KLHL2: variants seen among roughly 807,000 people sequenced by gnomAD.
KLHL2 encodes the protein kelch-like protein 2.
In KLHL2, 15 loss-of-function variants were observed where a neutral mutation model predicts 75.8. The observed-to-expected ratio is 0.20, with a 90% CI of 0.13 to 0.30. The LOEUF is 0.30. Among genes scored for constraint, KLHL2 ranks in the 10% least tolerant of loss-of-function variants. KLHL2 has a pLI of 1.00. For missense variants in KLHL2, 381 were observed against 741.0 expected, an observed-to-expected ratio of 0.51 and a Z score of 5.64; for synonymous variants, 214 against 251.9, an observed-to-expected ratio of 0.85 and a Z score of 1.42.
intron 11 of KLHL2, among the ~76,000 whole-genome samples, chr4:165,312,141 C>T (rs914457757): frequency 5.9e-5 from 9 of 152,120 alleles, no homozygotes; most frequent in African/African-American, 1.9e-4. Context: ...GGAAGTAGAG[C>T]TCAGCTGTAA....
rs551190938 is a variant in KLHL2, at chr4:165,310,898, A to T, written c.1237+148A>T. ...GAGATGGAGTCTTGCTCCGTCGCCC[A>T]GGCTGGAGTACAGTGGCGCAATCTC... On this transcript the variant is annotated intron_variant, in intron 10 of 14. Coordinates refer to ENST00000226725, the MANE Select transcript of KLHL2 (RefSeq NM_007246.4). The T allele has an allele frequency of 1.1e-5, 7 of 628,324 alleles. No individual in the cohort carries two copies. In the South Asian group the frequency reaches 1.2e-4, roughly 10 times the overall value. The allele number at this position is 628,324 out of a possible 1,614,324, so 38.9% of individuals were successfully genotyped here.
At chr4:165,246,088 G>T (rs954622486) in intron 4 of KLHL2, among the ~76,000 whole-genome samples, 1 of 152,038 alleles carries the variant, frequency 6.6e-6, no homozygotes, top group African/African-American at 2.4e-5. Context: ...TGACTTTTAC[G>T]TTATTCTCTG....
chr4:165,208,702 CTG>C (rs1426685526), intron 1 of KLHL2, among the ~76,000 whole-genome samples: 2 of 151,932 alleles, frequency 1.3e-5, no homozygotes, highest in Non-Finnish European at 2.9e-5. Flanking sequence ...TAAAAGTGAA[CTG>C]TAAATACCCA....
intron 4 of KLHL2, among the ~76,000 whole-genome samples, chr4:165,260,918 A>G (rs1741613706): frequency 6.6e-6 from 1 of 152,220 alleles, no homozygotes; most frequent in Admixed American, 6.5e-5. Flanking sequence ...GGTTGGACCA[A>G]TATGTGCTCC....
chr4:165,318,424 C>G (rs1428783810), intron 14 of KLHL2, among the ~76,000 whole-genome samples: 1 of 152,084 alleles, frequency 6.6e-6, no homozygotes, highest in Non-Finnish European at 1.5e-5. Context: ...GGTCCATTCT[C>G]TTAGTAAGAT....
chr4:165,306,309 T>G (rs1745725391), intron 9 of KLHL2, among the ~76,000 whole-genome samples: 1 of 152,252 alleles, frequency 6.6e-6, no homozygotes, highest in South Asian at 2.1e-4. Flanking sequence ...TCTTGGAGAT[T>G]GTTACATATC....
intron 5 of KLHL2, among the ~76,000 whole-genome samples, chr4:165,266,797 A>G (rs1007890171): frequency 6.6e-6 from 1 of 152,162 alleles, no homozygotes; most frequent in Non-Finnish European, 1.5e-5. Context: ...TGTCTTGGCT[A>G]TGTGGGCTCT....
At chr4:165,250,056 G>A (rs1352300872) in intron 4 of KLHL2, among the ~76,000 whole-genome samples, 4 of 151,916 alleles carry the variant, frequency 2.6e-5, no homozygotes, top group East Asian at 1.9e-4. Flanking sequence ...CCCAGGAGGC[G>A]GAGCTTGCAG....
At chr4:165,315,587 A>G (rs563229532) in intron 13 of KLHL2, among the ~76,000 whole-genome samples, 1 of 152,352 alleles carries the variant, frequency 6.6e-6, no homozygotes, top group Admixed American at 6.5e-5. Context: ...ATAATTTACA[A>G]GATACAGTAT....
intron 1 of KLHL2, among the ~76,000 whole-genome samples, chr4:165,212,651 A>G (rs925015360): frequency 2.0e-5 from 3 of 152,204 alleles, no homozygotes; most frequent in African/African-American, 4.8e-5. Flanking sequence ...AATCTCACTT[A>G]GTCTTGTCAA....
intron 11 of KLHL2, 36 bp from the exon 12 acceptor site, chr4:165,313,202 T>C (rs763306223): frequency 6.3e-7 from 1 of 1,588,980 alleles, no homozygotes; most frequent in Non-Finnish European, 8.5e-7. Context: ...GTTTGTTTTT[T>C]AATAAATTTG....
chr4:165,212,154 G>A (rs1478432800), intron 1 of KLHL2, among the ~76,000 whole-genome samples: 2 of 152,034 alleles, frequency 1.3e-5, no homozygotes, highest in Non-Finnish European at 2.9e-5. Context: ...TGCCTACTAT[G>A]GCCAGATTTT....
chr4:165,278,114 A>C, intron 5 of KLHL2: 2 of 1,555,730 alleles, frequency 1.3e-6, no homozygotes, highest in Non-Finnish European at 1.8e-6. Flanking sequence ...AACCCAACCC[A>C]TTGACTTCAT....
Position 165,299,749 on chromosome 4 carries a change from A to C in KLHL2, c.921+93A>C, listed in dbSNP as rs1048809175. On this transcript the variant is annotated intron_variant, in intron 8 of 14. Transcript: ENST00000226725. ...TTGCTCATTTGAATTTCCGTGATTT[A>C]TTGTTTTAGTTTTCCTTCAAGAGAA... The C allele has an allele frequency of 3.4e-6, 4 of 1,177,902 alleles. No individual in the cohort carries two copies. In the South Asian group the frequency reaches 6.5e-5, roughly 19 times the overall value. 73.0% of individuals were successfully genotyped at this position (1,177,902 alleles called of 1,614,324 possible). A position where few individuals can be genotyped will look rare whatever the true frequency, so the allele number is the denominator to read the frequency against.
chr4:165,227,155 C>T (rs182297282), intron 2 of KLHL2, among the ~76,000 whole-genome samples: 10 of 152,258 alleles, frequency 6.6e-5, no homozygotes, highest in African/African-American at 2.2e-4. Context: ...ATTAGTGATA[C>T]TGTGCCACCT....
intron 13 of KLHL2, among the ~76,000 whole-genome samples, 200 bp from the exon 14 acceptor site, chr4:165,317,626 A>G (rs991076860): frequency 6.6e-6 from 1 of 152,116 alleles, no homozygotes. Context: ...TGGCCTTCCA[A>G]AGTGCTGGGA....
In KLHL2 at chr4:165,308,361, T is replaced by C. The variant is rs761421158; in HGVS notation, c.1040-2192T>C. On this transcript the variant is annotated intron_variant, in intron 9 of 14. Transcript: ENST00000226725. Reference sequence around the variant, plus strand: ...TCATTTTATTGCAAAATGTATTCTTTACTTATTGGGTAACTATGAATAAAT... The same window carrying C: ...TCATTTTATTGCAAAATGTATTCTTCACTTATTGGGTAACTATGAATAAAT... 1.3e-4 allele frequency among the ~76,000 whole-genome samples: 20 copies of C among 152,234 alleles called. 1 individual carries two copies. The highest frequency in any genetic ancestry group is 2.6e-4 in the Non-Finnish European group (18 of 68,042).
intron 6 of KLHL2, among the ~76,000 whole-genome samples, chr4:165,296,558 T>C (rs760429708): frequency 6.6e-6 from 1 of 152,088 alleles, no homozygotes; most frequent in Non-Finnish European, 1.5e-5. Context: ...AGATGTGGTT[T>C]ATTAGGAGGC....
intron 5 of KLHL2, chr4:165,278,496 T>C: frequency 6.3e-7 from 1 of 1,598,372 alleles, no homozygotes. Context: ...GTGAATTGAG[T>C]GAGTCCACAG....
Sources: allele counts gnomAD v4.1 joint callset (sites outside exome capture counted in the v4.1 genomes callset), GRCh38; gene constraint gnomAD v4.1.1; transcripts MANE v1.5; gene names NCBI Gene and HGNC (gene_info 2026-07-23, HGNC 2026-07-21).